The following BCOR variants were observed in gnomAD, a reference collection of about 807,000 sequenced individuals.
BCOR encodes BCL6 corepressor, also known as BCL-6 corepressor.
In BCOR, 10 loss-of-function variants were observed where a neutral mutation model predicts 86.7. The observed-to-expected ratio is 0.12, with a 90% CI of 0.07 to 0.20. The LOEUF is 0.20. Ranked by LOEUF, BCOR falls within the 10% of genes least tolerant of loss-of-function variation. BCOR has a pLI of 1.00. For missense variants in BCOR, 1,259 were observed against 1,452.1 expected (o/e 0.87, Z 2.16); for synonymous variants, 611 against 609.0 (o/e 1.00, Z -0.05).
chrX:40,099,997 C>A (rs1937041241), upstream of BCOR, among the ~76,000 whole-genome samples: 1 of 111,773 alleles, frequency 8.9e-6, no homozygotes, highest in Non-Finnish European at 1.9e-5. Context: ...AGCCAACCCA[C>A]ACATTTTTTT....
chrX:40,115,045 G>A (rs1302094509), intron 1 of BCOR, among the ~76,000 whole-genome samples: 4 of 109,603 alleles, frequency 3.6e-5, no homozygotes, highest in Non-Finnish European at 7.6e-5. Flanking sequence ...GTAGAGACGG[G>A]GTTTCATTGT....
chrX:40,062,118 G>A (rs2146996101), intron 10 of BCOR, 21 bp downstream of exon 10: 2 of 1,191,523 alleles, frequency 1.7e-6, no homozygotes, highest in South Asian at 1.8e-5. Flanking sequence ...GCAGCCCCAG[G>A]GAGCGCCCAC....
At position 40,063,033 on chromosome X, in the gene BCOR, G is replaced by A; in HGVS notation, c.3886C>T (p.Leu1296Phe). 8.9e-7 allele frequency: 1 copy of A among 1,121,652 alleles called. No individual in the cohort carries two copies. Among genetic ancestry groups the A allele is most frequent in the East Asian group, 4.2e-5 (1 of 23,556 alleles). The allele number at this position is 1,121,652 out of a possible 1,213,427, so 92.4% of individuals were successfully genotyped here. A position where few individuals can be genotyped will look rare whatever the true frequency, so the allele number is the denominator to read the frequency against. The change falls in exon 9 of 15, where the codon CTT (leucine) becomes TTT (phenylalanine). Residue 1296 changes from leucine to phenylalanine, a missense_variant. Physicochemically the swap from Leu to Phe is conservative, Grantham distance 22 (BLOSUM62 0). Around this residue, in one of 7 missense-constraint regions of BCOR, gnomAD observed 305 missense variants for 286.1 expected, o/e 1.07. Transcript: ENST00000378444. ...VFSGSPPMKS[L>F]SSTSAGGKKQ... ...TTGCCGCCTGCACTGGTGGATGAAAGACTCTTCATGGGCGGAGAGCCGGAG... is the reference window on the plus strand; with the variant it reads ...TTGCCGCCTGCACTGGTGGATGAAAAACTCTTCATGGGCGGAGAGCCGGAG...
chrX:40,109,843 C>G (rs1282574043), intron 1 of BCOR, among the ~76,000 whole-genome samples: 2 of 111,935 alleles, frequency 1.8e-5, no homozygotes, highest in Non-Finnish European at 3.8e-5. Flanking sequence ...TTTTGAAACT[C>G]CTGCGGCGTC....
At chrX:40,072,292 A>G (rs1935512560) in intron 4 of BCOR, 57 bp downstream of exon 4, 2 of 1,125,570 alleles carry the variant, frequency 1.8e-6, no homozygotes, top group Admixed American at 2.5e-5. Flanking sequence ...AATCCTGTTT[A>G]CACATTAAAA....
intron 1 of BCOR, among the ~76,000 whole-genome samples, chrX:40,139,133 G>A (rs1428912476): frequency 9.4e-6 from 1 of 106,481 alleles, no homozygotes. Flanking sequence ...GGGGCTGGGA[G>A]GAGGGGGATG....
intron 1 of BCOR, among the ~76,000 whole-genome samples, chrX:40,149,437 C>T (rs905758141): frequency 4.5e-5 from 5 of 111,294 alleles, no homozygotes; most frequent in Admixed American, 9.6e-5. Context: ...AAGACAGGAA[C>T]GGCAAGTTCA....
rs151125150 is a variant in BCOR, at chrX:40,072,923, A to T, written c.2423T>A (p.Leu808His). The T allele has an allele frequency of 1.4e-4, 170 of 1,209,512 alleles. No individual in the cohort carries two copies. In the African/African-American group the frequency reaches 2.8e-3, roughly 20 times the overall value. The change falls in exon 4 of 15, where the codon CTT (leucine) becomes CAT (histidine). Residue 808 changes from leucine (L) to histidine (H), a missense_variant. Leu to His is a moderately conservative substitution (Grantham distance 99). Around this residue, in one of 7 missense-constraint regions of BCOR, gnomAD observed 534 missense variants for 594.8 expected, o/e 0.90. Transcript: ENST00000378444. ...VKSDKLVYVD[L>H]LREEPDAKTD... is the part of the protein sequence containing the mutation. ...TTTAGCATCTGGTTCTTCTCGGAGA[A>T]GGTCTACGTAGACAAGCTTGTCGCT... is the stretch of plus-strand genomic sequence containing the variant.
intron 1 of BCOR, among the ~76,000 whole-genome samples, chrX:40,133,651 G>T (rs910025892): frequency 1.9e-5 from 2 of 105,410 alleles, no homozygotes; most frequent in Non-Finnish European, 3.9e-5. Context: ...TAGTAGAGAC[G>T]GGGTTTCACT....
At chrX:40,054,645 G>C (rs1198971774) in intron 12 of BCOR, among the ~76,000 whole-genome samples, 2 of 111,490 alleles carry the variant, frequency 1.8e-5, no homozygotes, top group Non-Finnish European at 3.8e-5. Context: ...TGGGACTAGA[G>C]GCGCCCACCA....
chrX:40,138,633 C>T (rs1268359776), intron 1 of BCOR, among the ~76,000 whole-genome samples: 3 of 110,787 alleles, frequency 2.7e-5, no homozygotes, highest in African/African-American at 9.9e-5. Context: ...CGGCTCATTG[C>T]AACCTCCGCC....
At chrX:40,104,461 C>G (rs1255718522) in intron 1 of BCOR, among the ~76,000 whole-genome samples, 1 of 111,813 alleles carries the variant, frequency 8.9e-6, no homozygotes, top group Non-Finnish European at 1.9e-5. Flanking sequence ...AAGACTTTGT[C>G]GAGGAAGGTT....
chrX:40,162,549 T>C (rs995748437), intron 1 of BCOR, among the ~76,000 whole-genome samples: 4 of 111,322 alleles, frequency 3.6e-5, no homozygotes, highest in Non-Finnish European at 7.5e-5. Context: ...ATTACACTAA[T>C]TCGGGGCTCC....
intron 10 of BCOR, 141 bp from the exon 11 acceptor site, chrX:40,057,462 GA>G (rs957731700): frequency 1.6e-4 from 99 of 624,877 alleles, no homozygotes; most frequent in Non-Finnish European, 2.3e-4. Context: ...ATGTCTTGGT[GA>G]GGGGGAAACA....
intron 1 of BCOR, among the ~76,000 whole-genome samples, chrX:40,092,635 T>C (rs1461459117): frequency 1.8e-5 from 2 of 111,321 alleles, no homozygotes; most frequent in Non-Finnish European, 3.8e-5. Context: ...GCTACCCCTC[T>C]TGTGGCTACA....
At chrX:40,165,444 G>A (rs1435994822) in intron 1 of BCOR, among the ~76,000 whole-genome samples, 4 of 112,216 alleles carry the variant, frequency 3.6e-5, no homozygotes, top group African/African-American at 1.3e-4. Flanking sequence ...AGCCTGGTCC[G>A]CAGTGCACAA....
At position 40,137,219 on chromosome X, in the gene BCOR, A is replaced by G. The variant is rs185042619; in HGVS notation, c.-41+39788T>C. ...ATTATAGCCGTCAAAGCCTAACATTAGGTGCAGTATTTTATAGCACAGAGT... is the reference window on the plus strand; with the variant it reads ...ATTATAGCCGTCAAAGCCTAACATTGGGTGCAGTATTTTATAGCACAGAGT... On this transcript the variant is annotated intron_variant, in intron 1 of 14. Transcript: ENST00000342274. Among the ~76,000 whole-genome samples, 10 of 112,505 alleles carry G rather than the reference A, an allele frequency of 8.9e-5. No homozygotes were observed. In the East Asian group the frequency reaches 2.8e-3, roughly 31 times the overall value.
intron 1 of BCOR, among the ~76,000 whole-genome samples, chrX:40,110,013 C>T (rs772251027): frequency 8.9e-6 from 1 of 112,447 alleles, no homozygotes; most frequent in East Asian, 2.8e-4. Flanking sequence ...TGTGTTCTCT[C>T]TCTCTTCCAC....
At chrX:40,168,575 G>C (rs1235461673) in intron 1 of BCOR, among the ~76,000 whole-genome samples, 1 of 112,608 alleles carries the variant, frequency 8.9e-6, no homozygotes, top group Non-Finnish European at 1.9e-5. Flanking sequence ...TGTTGCTCGA[G>C]GCCTCGGGGG....
Sources: gnomAD v4.1 joint callset for allele counts (sites outside exome capture counted in the v4.1 genomes callset) on GRCh38, gnomAD v4.1.1 for gene constraint, gnomAD v4.1.1 regional missense constraint, MANE v1.5 for transcripts, NCBI Gene and HGNC (gene_info 2026-07-23, HGNC 2026-07-21) for gene names.